The following P3H2 variants were observed in gnomAD, a reference collection of about 807,000 sequenced individuals.
The protein encoded by P3H2 is prolyl 3-hydroxylase 2.
P3H2 carries 80 observed loss-of-function variants against 87.0 expected under a neutral mutation model. That is an observed-to-expected ratio of 0.92 (90% CI 0.77 to 1.11). P3H2 has a LOEUF of 1.11. Ranked by LOEUF, P3H2 falls within the 50% of genes least tolerant of loss-of-function variation. The pLI is 0.00. For synonymous variants in P3H2, 367 were observed against 359.3 expected (o/e 1.02, Z -0.24); for missense variants, 1,001 against 923.9 (o/e 1.08, Z -1.08).
At chr3:190,027,664 C>T (rs1577281853) in intron 1 of P3H2, among the ~76,000 whole-genome samples, 2 of 143,916 alleles carry the variant, frequency 1.4e-5, no homozygotes, top group East Asian at 2.1e-4. Flanking sequence ...ACTGCAATTA[C>T]TTTTGCACCA....
At chr3:190,080,005 T>C (rs1373008827) in intron 1 of P3H2, among the ~76,000 whole-genome samples, 3 of 152,222 alleles carry the variant, frequency 2.0e-5, no homozygotes, top group Non-Finnish European at 4.4e-5. Context: ...ATTGTTATTA[T>C]AATAGAGTAG....
At chr3:189,969,785 A>G (rs989790858) in intron 13 of P3H2, 4 of 1,607,952 alleles carry the variant, frequency 2.5e-6, no homozygotes, top group Non-Finnish European at 3.4e-6. Context: ...TCTTCCTTCT[A>G]AAATTTCTGG....
intron 8 of P3H2, among the ~76,000 whole-genome samples, chr3:189,978,509 A>T (rs554072706): frequency 3.3e-5 from 5 of 152,352 alleles, no homozygotes; most frequent in Admixed American, 2.0e-4. Flanking sequence ...AGATCAAGTG[A>T]AGGAAGAATG....
chr3:189,965,814 C>A (rs28611416), intron 13 of P3H2, among the ~76,000 whole-genome samples: 2 of 151,694 alleles, frequency 1.3e-5, no homozygotes, highest in African/African-American at 2.4e-5. Context: ...GGTGAAACCC[C>A]GTCTCTACTA....
At chr3:189,959,860 ATGTGTGTGTGTGTGTG>A (rs75204350) in intron 14 of P3H2, among the ~76,000 whole-genome samples, 36,043 of 134,576 alleles carry the variant, frequency 0.27, 5,341 homozygotes, top group Non-Finnish European at 0.36. Flanking sequence ...TGGAGGAGAT[ATGTGTGTGTGTGTGTG>A]TGTGTGTGTG....
Position 189,970,855 on chromosome 3 carries a change from TC to T in P3H2, c.1853del (p.Gly618GlufsTer13). On this transcript the variant is annotated frameshift_variant, in exon 13 of 15. Transcript: ENST00000319332. LOFTEE classifies it high-confidence loss of function. ...LLYMNDDFEGGEFIFTEMDAK... is the reference protein window; with the variant it reads ...LLYMNDDFEGXEFIFTEMDAK... ...CATCCATCTCTGTGAATATGAATTCTCCTCCTTCAAAGTCATCATTCATATA... is the reference window on the plus strand; with the variant it reads ...CATCCATCTCTGTGAATATGAATTCTCTCCTTCAAAGTCATCATTCATATA... 1 of 1,591,902 alleles carries T rather than the reference TC, an allele frequency of 6.3e-7. No homozygotes were observed. The highest frequency in any genetic ancestry group is 1.1e-5 in the South Asian group (1 of 90,628).
rs184101113 is a variant in P3H2, at chr3:190,090,568, T to C, written c.480+29684A>G. Among the ~76,000 whole-genome samples the C allele has an allele frequency of 5.8e-3, 882 of 152,160 alleles. 11 individuals carry two copies. Among genetic ancestry groups the C allele is most frequent in the African/African-American group, 0.02 (837 of 41,536 alleles). Reference sequence around the variant, plus strand: ...AATACAAAAAATTAGCTGGGCATGGTGGCGGGCACCTGTAGTCCCAGCTAC... The same window carrying C: ...AATACAAAAAATTAGCTGGGCATGGCGGCGGGCACCTGTAGTCCCAGCTAC... On this transcript the variant is annotated intron_variant, in intron 1 of 14. Coordinates refer to ENST00000319332, the MANE Select transcript of P3H2 (RefSeq NM_018192.4).
chr3:190,016,762 T>C (rs1031370267), intron 1 of P3H2, among the ~76,000 whole-genome samples: 1 of 152,208 alleles, frequency 6.6e-6, no homozygotes, highest in Non-Finnish European at 1.5e-5. Flanking sequence ...GGTACTTGCA[T>C]CTTCTGCAGA....
At chr3:190,071,430 G>A (rs372695383) in intron 1 of P3H2, among the ~76,000 whole-genome samples, 2 of 152,160 alleles carry the variant, frequency 1.3e-5, no homozygotes, top group African/African-American at 4.8e-5. Flanking sequence ...AATCCAATCA[G>A]CTTCCATACT....
intron 3 of P3H2, among the ~76,000 whole-genome samples, chr3:189,993,098 G>A (rs533412326): frequency 6.6e-6 from 1 of 152,102 alleles, no homozygotes; most frequent in African/African-American, 2.4e-5. Context: ...CGAGGTGGGC[G>A]GATTACCTGA....
chr3:190,088,478 A>AG (rs1320698370), intron 1 of P3H2, among the ~76,000 whole-genome samples: 1 of 122,052 alleles, frequency 8.2e-6, no homozygotes, highest in Non-Finnish European at 1.5e-5. Flanking sequence ...GAAAACACAT[A>AG]GATCTCTCTT....
intron 1 of P3H2, among the ~76,000 whole-genome samples, chr3:190,041,937 A>C (rs1210577083): frequency 6.6e-6 from 1 of 152,204 alleles, no homozygotes; most frequent in Non-Finnish European, 1.5e-5. Flanking sequence ...TTTCTTACCT[A>C]GTTTGTTTTC....
intron 1 of P3H2, among the ~76,000 whole-genome samples, chr3:190,094,576 G>A (rs1289163015): frequency 6.6e-6 from 1 of 152,178 alleles, no homozygotes; most frequent in African/African-American, 2.4e-5. Flanking sequence ...GACAATGGTG[G>A]CCTTGGAAAG....
At position 190,051,791 on chromosome 3, in the gene P3H2, G is replaced by A. The variant is rs755057616; in HGVS notation, c.481-56349C>T. 2.6e-5 allele frequency among the ~76,000 whole-genome samples: 4 copies of A among 152,170 alleles called. No individual in the cohort carries two copies. The East Asian group carries it at 7.7e-4, about 29-fold the overall frequency. On this transcript the variant is annotated intron_variant, in intron 1 of 14. Transcript: ENST00000319332. ...CTGGGTTAGGATCCCCCAAGAAAGG[G>A]CGTTCAAAACAAAAATGCTGAGGGA... is the stretch of plus-strand genomic sequence containing the variant.
intron 13 of P3H2, among the ~76,000 whole-genome samples, chr3:189,966,190 A>AGAAG (rs1723001491): frequency 7.0e-6 from 1 of 143,690 alleles, no homozygotes; most frequent in Non-Finnish European, 1.5e-5. Context: ...AAAGAAAGAA[A>AGAAG]GAAAAGCCTT....
Position 190,075,781 on chromosome 3 carries a change from T to C in P3H2, c.480+44471A>G, listed in dbSNP as rs576404429. ...ATTAATAGGAGATCAGGTTGAAAGA[T>C]AGGTCGGGTCAGATCTTGAAAGCCT... is the stretch of plus-strand genomic sequence containing the variant. On this transcript the variant is annotated intron_variant, in intron 1 of 14. Transcript: ENST00000319332. 2.6e-5 allele frequency among the ~76,000 whole-genome samples: 4 copies of C among 152,268 alleles called. No individual in the cohort carries two copies. The South Asian group carries it at 8.3e-4, about 32-fold the overall frequency.
chr3:190,056,458 A>G (rs1351144015), intron 1 of P3H2, among the ~76,000 whole-genome samples: 1 of 152,192 alleles, frequency 6.6e-6, no homozygotes, highest in African/African-American at 2.4e-5. Context: ...TCATGGAAAA[A>G]TATGCAGTTT....
chr3:190,016,739 CA>C (rs932434268), intron 1 of P3H2, among the ~76,000 whole-genome samples: 1 of 152,190 alleles, frequency 6.6e-6, no homozygotes, highest in African/African-American at 2.4e-5. Context: ...GGCCAAACCC[CA>C]CTCTCTCCTC....
At chr3:189,986,347 G>A (rs1414865172) in intron 6 of P3H2, among the ~76,000 whole-genome samples, 3 of 152,226 alleles carry the variant, frequency 2.0e-5, no homozygotes, top group Non-Finnish European at 4.4e-5. Context: ...CACTTGGGGA[G>A]GCTGAGGCGG....
Sources: allele counts gnomAD v4.1 joint callset (sites outside exome capture counted in the v4.1 genomes callset), GRCh38; gene constraint gnomAD v4.1.1; transcripts MANE v1.5; gene names NCBI Gene and HGNC (gene_info 2026-07-23, HGNC 2026-07-21).